BTG4: variants seen among roughly 807,000 people sequenced by gnomAD.
BTG4 encodes protein BTG4.
Under a neutral mutation model 19.3 loss-of-function variants are expected in BTG4, and 10 were observed. The ratio of observed to expected loss-of-function variants is 0.52; its 90% CI spans 0.32 to 0.88. The LOEUF (loss-of-function observed/expected upper bound fraction) is 0.88, where lower values mean the gene tolerates loss of function less well. Among genes scored for constraint, BTG4 ranks in the 40% least tolerant of loss-of-function variants. The pLI is 0.04. For synonymous variants in BTG4, 91 were observed against 95.7 expected (o/e 0.95, Z 0.29); for missense variants, 238 against 281.9 (o/e 0.84, Z 1.11).
the BTG4 span, among the ~76,000 whole-genome samples, chr11:111,456,281 G>A: frequency 9.9e-5 from 15 of 152,220 alleles, no homozygotes; most frequent in South Asian, 8.3e-4. The surrounding 1 kb of genome is among the most constrained non-coding windows in gnomAD (Gnocchi z 4.2). Context: ...ACCATTTCCC[G>A]AGGCTTTTCC....
At chr11:111,431,683 G>C in the BTG4 span, among the ~76,000 whole-genome samples, 1 of 152,214 alleles carries the variant, frequency 6.6e-6, no homozygotes, top group Non-Finnish European at 1.5e-5. Flanking sequence ...AACCCCCGGG[G>C]CTGGACCACA....
At chr11:111,456,699 G>T in the BTG4 span, 1 of 370,318 alleles carries the variant, frequency 2.7e-6, no homozygotes, top group African/African-American at 2.1e-5. This position sits in a 1 kb window ranked among gnomAD's most constrained non-coding sequence, Gnocchi z 4.2. Flanking sequence ...GATATGATCT[G>T]CTGAGAGCTA....
At chr11:111,469,567 T>G (rs1863935239) in intron 5 of BTG4, among the ~76,000 whole-genome samples, 1 of 152,222 alleles carries the variant, frequency 6.6e-6, no homozygotes, top group Non-Finnish European at 1.5e-5. Flanking sequence ...AGAAGTGGTT[T>G]TCCTATGAGC....
the BTG4 span, among the ~76,000 whole-genome samples, chr11:111,388,988 G>A: frequency 6.6e-6 from 1 of 152,196 alleles, no homozygotes; most frequent in Non-Finnish European, 1.5e-5. Context: ...TTCACCAGGT[G>A]TATTTCATGA....
intron 5 of BTG4, among the ~76,000 whole-genome samples, chr11:111,480,085 C>T (rs2135568763): frequency 6.6e-6 from 1 of 152,042 alleles, no homozygotes; most frequent in Admixed American, 6.6e-5. Context: ...CACAATATGC[C>T]ATCTACAAGA....
At chr11:111,440,677 T>C in the BTG4 span, among the ~76,000 whole-genome samples, 2 of 152,208 alleles carry the variant, frequency 1.3e-5, no homozygotes, top group African/African-American at 4.8e-5. Context: ...TGTTCACAGA[T>C]AGCTTTAGAT....
intron 1 of BTG4, among the ~76,000 whole-genome samples, chr11:111,507,314 T>C (rs1435593500): frequency 6.6e-6 from 1 of 152,204 alleles, no homozygotes; most frequent in Non-Finnish European, 1.5e-5. Flanking sequence ...CTAACTAGCT[T>C]ATTGAAACCT....
chr11:111,451,415 T>C, the BTG4 span: 364 of 453,364 alleles, frequency 8.0e-4, 3 homozygotes, highest in African/African-American at 6.7e-3. Flanking sequence ...AGATGGTTTG[T>C]CTACGATAAT....
At chr11:111,455,732 CCT>C in the BTG4 span, 5 of 434,506 alleles carry the variant, frequency 1.2e-5, no homozygotes, top group Middle Eastern at 3.3e-4. Context: ...TTTTCCCACC[CCT>C]GATTGCTCCT....
chr11:111,461,181 G>C, the BTG4 span, among the ~76,000 whole-genome samples: 1 of 152,172 alleles, frequency 6.6e-6, no homozygotes, highest in Admixed American at 6.5e-5. Flanking sequence ...TCTCAGTCTG[G>C]TTACGTTTCA....
chr11:111,451,004 A>G, the BTG4 span: 1 of 170,426 alleles, frequency 5.9e-6, no homozygotes, highest in African/African-American at 2.3e-5. Context: ...TTGGTCACTG[A>G]GCCTCAACTC....
intron 5 of BTG4, among the ~76,000 whole-genome samples, chr11:111,487,380 T>C (rs1591489416): frequency 6.6e-6 from 1 of 152,178 alleles, no homozygotes; most frequent in East Asian, 1.9e-4. Context: ...ATAATTTTGA[T>C]CGATGCTGAA....
chr11:111,480,502 G>A (rs1387773958), intron 5 of BTG4, among the ~76,000 whole-genome samples: 2 of 151,850 alleles, frequency 1.3e-5, no homozygotes, highest in African/African-American at 4.8e-5. Flanking sequence ...ACAACAACAG[G>A]ATGTACATTC....
chr11:111,454,656 T>G, the BTG4 span, among the ~76,000 whole-genome samples: 2 of 152,130 alleles, frequency 1.3e-5, no homozygotes, highest in African/African-American at 4.8e-5. Context: ...GTAGCCCAAC[T>G]AGGTGAGCAA....
chr11:111,491,539 G>T (rs945526351), downstream of BTG4, among the ~76,000 whole-genome samples: 1 of 152,024 alleles, frequency 6.6e-6, no homozygotes, highest in Non-Finnish European at 1.5e-5. Flanking sequence ...CTTGAGCTCA[G>T]GAGTTCAAGG....
intron 5 of BTG4, among the ~76,000 whole-genome samples, chr11:111,478,172 G>T (rs566459316): frequency 6.6e-5 from 10 of 152,258 alleles, no homozygotes; most frequent in African/African-American, 2.2e-4. Flanking sequence ...GAGAGTTAGG[G>T]CTTATGCCAT....
chr11:111,465,611 T>C (rs1863673603), downstream of BTG4, among the ~76,000 whole-genome samples: 1 of 152,172 alleles, frequency 6.6e-6, no homozygotes, highest in African/African-American at 2.4e-5. Flanking sequence ...CAGCTGGAAT[T>C]CAATCCCCAA....
chr11:111,424,393 G>A, the BTG4 span, among the ~76,000 whole-genome samples: 19 of 152,242 alleles, frequency 1.2e-4, no homozygotes, highest in African/African-American at 4.6e-4. Flanking sequence ...GAGATGATGA[G>A]TTAACGCGAA....
the BTG4 span, among the ~76,000 whole-genome samples, chr11:111,458,867 T>C: frequency 6.6e-6 from 1 of 152,210 alleles, no homozygotes; most frequent in Non-Finnish European, 1.5e-5. Flanking sequence ...CCACAATTTA[T>C]TAACTCTTTG....
Sources: allele counts gnomAD v4.1 joint callset (sites outside exome capture counted in the v4.1 genomes callset), GRCh38; gene constraint gnomAD v4.1.1; non-coding constraint Gnocchi (gnomAD v3.1); transcripts MANE v1.5; gene names NCBI Gene and HGNC (gene_info 2026-07-23, HGNC 2026-07-21).